The following KIRREL3 variants were observed in gnomAD, a reference collection of about 807,000 sequenced individuals.
The protein encoded by KIRREL3 is kin of IRRE-like protein 3.
Under a neutral mutation model 89.7 loss-of-function variants are expected in KIRREL3, and 36 were observed. That is an observed-to-expected ratio of 0.40 (90% confidence interval 0.31 to 0.53). The LOEUF (loss-of-function observed/expected upper bound fraction) is 0.53, where lower values mean the gene tolerates loss of function less well. Among genes scored for constraint, KIRREL3 ranks in the 20% least tolerant of loss-of-function variants. The pLI is 0.49. For missense variants in KIRREL3, 864 were observed against 1,056.6 expected, an observed-to-expected ratio of 0.82 and a Z score of 2.53; for synonymous variants, 445 against 441.4, an observed-to-expected ratio of 1.01 and a Z score of -0.10.
chr11:126,665,507 G>A (rs1176284578), intron 1 of KIRREL3, among the ~76,000 whole-genome samples: 1 of 152,162 alleles, frequency 6.6e-6, no homozygotes, highest in African/African-American at 2.4e-5. Flanking sequence ...ATTAGGGCAT[G>A]AGGGTGGAGC....
In KIRREL3 at chr11:126,640,139, AT is replaced by A. The variant is rs1944412723; in HGVS notation, c.56-77228del. On this transcript the variant is annotated intron_variant, in intron 1 of 16. Coordinates refer to ENST00000525144, the MANE Select transcript of KIRREL3 (RefSeq NM_032531.4). This position sits in a 1 kb window ranked among gnomAD's most constrained non-coding sequence, Gnocchi z 4.9. ...TTTTACCCTGCATTGTACTAAAAAA[AT>A]AAGGCATAGAAGCTCTATGATTTTC... 6.6e-6 allele frequency among the ~76,000 whole-genome samples: 1 copy of A among 152,182 alleles called. No individual in the cohort carries two copies. The highest frequency in any genetic ancestry group is 2.4e-5 in the African/African-American group (1 of 41,434).
At chr11:126,962,067 T>C (rs984582927) in intron 1 of KIRREL3, among the ~76,000 whole-genome samples, 3 of 152,226 alleles carry the variant, frequency 2.0e-5, no homozygotes, top group African/African-American at 7.2e-5. Context: ...AGGGCTGTGA[T>C]GGAGATATGC....
chr11:126,540,110 G>A (rs1591704289), intron 2 of KIRREL3, among the ~76,000 whole-genome samples: 2 of 152,236 alleles, frequency 1.3e-5, no homozygotes, highest in Middle Eastern at 6.8e-3. Flanking sequence ...ACCAGGCAGG[G>A]GTAGAAGACA....
chr11:126,476,766 G>A lies in KIRREL3; in HGVS notation c.434-3300C>T, dbSNP rs1251984991. On this transcript the variant is annotated intron_variant, in intron 4 of 16. Coordinates refer to ENST00000525144, the MANE Select transcript of KIRREL3 (RefSeq NM_032531.4). This position sits in a 1 kb window ranked among gnomAD's most constrained non-coding sequence, Gnocchi z 6.4. ...GGCAGCTGTGTCTGGCGTGGAAGGG[G>A]GCTCCTCATTACCTCCCCATTCAGA... is the stretch of plus-strand genomic sequence containing the variant. Among the ~76,000 whole-genome samples, 2 of 152,104 alleles carry A rather than the reference G, an allele frequency of 1.3e-5. No homozygotes were observed. The highest frequency in any genetic ancestry group is 2.9e-5 in the Non-Finnish European group (2 of 68,012).
At position 126,496,426 on chromosome 11, in the gene KIRREL3, G is replaced by A. The variant is rs976982649; in HGVS notation, c.434-22960C>T. Among the ~76,000 whole-genome samples, 2 of 152,132 alleles carry A rather than the reference G, an allele frequency of 1.3e-5. No homozygotes were observed. Among genetic ancestry groups the A allele is most frequent in the Non-Finnish European group, 2.9e-5 (2 of 68,032 alleles). ...AAGGGTACACAGCTGAAAAATGAAAGGGCCAGTCTTAGGGCCTAGGAATTC... is the reference window on the plus strand; with the variant it reads ...AAGGGTACACAGCTGAAAAATGAAAAGGCCAGTCTTAGGGCCTAGGAATTC... On this transcript the variant is annotated intron_variant, in intron 4 of 16. Coordinates refer to ENST00000525144, the MANE Select transcript of KIRREL3 (RefSeq NM_032531.4). The surrounding 1 kb of genome is among the most constrained non-coding windows in gnomAD (Gnocchi z 4.9).
chr11:126,518,586 C>A (rs920881307), intron 4 of KIRREL3, among the ~76,000 whole-genome samples: 1 of 152,366 alleles, frequency 6.6e-6, no homozygotes, highest in Admixed American at 6.5e-5. Context: ...ACAGGGAAGG[C>A]AGCCCCCCTT....
intron 10 of KIRREL3, among the ~76,000 whole-genome samples, chr11:126,442,699 T>C (rs1415007614): frequency 1.3e-5 from 2 of 152,170 alleles, no homozygotes; most frequent in Non-Finnish European, 2.9e-5. Context: ...GCGTCCCCCC[T>C]CCCTCTGCCT....
At position 126,708,059 on chromosome 11, in the gene KIRREL3, T is replaced by C. The variant is rs1947607371; in HGVS notation, c.56-145147A>G. On this transcript the variant is annotated intron_variant, in intron 1 of 16. Transcript: ENST00000525144. This position sits in a 1 kb window ranked among gnomAD's most constrained non-coding sequence, Gnocchi z 5.7. ...CCCTCCGCATCCCTGAAGCAGGTGA[T>C]GATCTCCATAGGTCCCAGGGTATCC... Among the ~76,000 whole-genome samples, 1 of 152,192 alleles carries C rather than the reference T, an allele frequency of 6.6e-6. No individual in the cohort carries two copies. The highest frequency in any genetic ancestry group is 1.5e-5 in the Non-Finnish European group (1 of 68,034).
rs750353947 is a variant in KIRREL3, at chr11:126,748,702, G to A, written c.56-185790C>T. Among the ~76,000 whole-genome samples, 1 of 152,122 alleles carries A rather than the reference G, an allele frequency of 6.6e-6. No individual in the cohort carries two copies. The highest frequency in any genetic ancestry group is 6.5e-5 in the Admixed American group (1 of 15,278). On this transcript the variant is annotated intron_variant, in intron 1 of 16. Transcript: ENST00000525144. The surrounding 1 kb of genome is among the most constrained non-coding windows in gnomAD (Gnocchi z 4.6). ...CTGGCAAGGGAAGCTGCGTTTCGTG[G>A]TAACAAATGAGGATTAAACCAGGCC...
chr11:126,709,794 G>A lies in KIRREL3; in HGVS notation c.56-146882C>T, dbSNP rs191682814. 8.3e-4 allele frequency among the ~76,000 whole-genome samples: 127 copies of A among 152,304 alleles called. No homozygotes were observed. The highest frequency in any genetic ancestry group is 7.7e-4 in the East Asian group (4 of 5,182). On this transcript the variant is annotated intron_variant, in intron 1 of 16. Transcript: ENST00000525144. The surrounding 1 kb of genome is among the most constrained non-coding windows in gnomAD (Gnocchi z 4.0). ...TTTCTGTTGTTTAAGCCACAAGATC[G>A]TGGTATTTTGTTACAGCAGCCCAGG... is the stretch of plus-strand genomic sequence containing the variant.
In KIRREL3 at chr11:126,455,631, AC is replaced by A. The variant is rs1312150906; in HGVS notation, c.848+717del. On this transcript the variant is annotated intron_variant, in intron 7 of 16. Coordinates refer to ENST00000525144, the MANE Select transcript of KIRREL3 (RefSeq NM_032531.4). The surrounding 1 kb of genome is among the most constrained non-coding windows in gnomAD (Gnocchi z 6.4). ...GTGAAACGCTGTCTCTACTAAAAAT[AC>A]AAAAAAAAAAAAAAATTAGCTGGCG... Among the ~76,000 whole-genome samples the A allele has an allele frequency of 1.4e-3, 136 of 97,242 alleles. No individual in the cohort carries two copies. Among genetic ancestry groups the A allele is most frequent in the Non-Finnish European group, 2.4e-3 (116 of 48,260 alleles). 63.8% of individuals were successfully genotyped at this position (97,242 alleles called of 152,430 possible).
At chr11:126,497,205 TGTGAGTGTGTGAGA>T (rs61073899) in intron 4 of KIRREL3, among the ~76,000 whole-genome samples, 46,156 of 99,524 alleles carry the variant, frequency 0.46, 7,550 homozygotes, top group Middle Eastern at 0.51. Context: ...TGTGTGTGAG[TGTGAGTGTGTGAGA>T]GTGAGTGTGT....
At chr11:126,871,963 C>T (rs1356758026) in intron 1 of KIRREL3, among the ~76,000 whole-genome samples, 1 of 152,206 alleles carries the variant, frequency 6.6e-6, no homozygotes, top group Admixed American at 6.5e-5. Flanking sequence ...GGATATCCTC[C>T]TGTTTCACCA....
chr11:126,502,226 T>C (rs1957886788), intron 4 of KIRREL3, among the ~76,000 whole-genome samples: 1 of 152,228 alleles, frequency 6.6e-6, no homozygotes, highest in South Asian at 2.1e-4. Context: ...GGGTCTCACC[T>C]TGGGCAGATC....
In KIRREL3 at chr11:126,424,667, A is replaced by C. The variant is rs1282669293; in HGVS notation, c.2250T>G (p.Ser750=). ...YVQFDKASKA[S]ASSSHHSQSS... Reference sequence around the variant, plus strand: ...ACTGGGAGTGGTGGGAGGAGGAAGCAGAAGCCTTGCTGGCCTTGTCGAACT... The same window carrying C: ...ACTGGGAGTGGTGGGAGGAGGAAGCCGAAGCCTTGCTGGCCTTGTCGAACT... Residue 750 remains serine, a synonymous_variant, in exon 17 of 17, where the codon TCT becomes TCG. Transcript: ENST00000525144. 1 of 1,613,946 alleles carries C rather than the reference A, an allele frequency of 6.2e-7. No homozygotes were observed. The highest frequency in any genetic ancestry group is 1.3e-5 in the African/African-American group (1 of 74,946).
rs548909215 is a variant in KIRREL3, at chr11:126,969,034, A to G, written c.55+31421T>C. 1.3e-5 allele frequency among the ~76,000 whole-genome samples: 2 copies of G among 152,234 alleles called. No homozygotes were observed. The highest frequency in any genetic ancestry group is 4.1e-4 in the South Asian group (2 of 4,820). The stretch of plus-strand genomic sequence containing the variant: ...ACGGGAAAACCCTGCCTCTCCTTGC[A>G]TAGATGTCAGAAGTAACACTTCAGG... On this transcript the variant is annotated intron_variant, in intron 1 of 16. Transcript: ENST00000525144. This position sits in a 1 kb window ranked among gnomAD's most constrained non-coding sequence, Gnocchi z 4.9.
intron 1 of KIRREL3, among the ~76,000 whole-genome samples, chr11:126,852,171 A>C (rs931990383): frequency 6.7e-6 from 1 of 149,138 alleles, no homozygotes; most frequent in African/African-American, 2.5e-5. Flanking sequence ...CTCCTGCCTC[A>C]GCCTCCCAAG....
rs978214729 is a variant in KIRREL3, at chr11:126,918,529, G to A, written c.55+81926C>T. ...TTTAATTAACTAGCTGAATTATTAC[G>A]TTTTTGCATAAACATTCTTCACCAT... On this transcript the variant is annotated intron_variant, in intron 1 of 16. Coordinates refer to ENST00000525144, the MANE Select transcript of KIRREL3 (RefSeq NM_032531.4). The surrounding 1 kb of genome is among the most constrained non-coding windows in gnomAD (Gnocchi z 6.5). 9.9e-5 allele frequency among the ~76,000 whole-genome samples: 15 copies of A among 152,280 alleles called. No individual in the cohort carries two copies. The highest frequency in any genetic ancestry group is 3.9e-4 in the East Asian group (2 of 5,186).
Position 126,554,622 on chromosome 11 carries a change from T to C in KIRREL3, c.133+8213A>G, listed in dbSNP as rs57077999. ...CTGTCCTCACTTTGCTGACAACATC[T>C]ATGCAAACACTGTGTTGGGCTCCTG... On this transcript the variant is annotated intron_variant, in intron 2 of 16. Transcript: ENST00000525144. 7.7e-3 allele frequency among the ~76,000 whole-genome samples: 1,166 copies of C among 152,298 alleles called. 21 individuals carry two copies. Among genetic ancestry groups the C allele is most frequent in the African/African-American group, 0.027 (1,102 of 41,572 alleles).
Sources: allele counts gnomAD v4.1 joint callset (sites outside exome capture counted in the v4.1 genomes callset), GRCh38; gene constraint gnomAD v4.1.1; non-coding constraint Gnocchi (gnomAD v3.1); transcripts MANE v1.5; gene names NCBI Gene and HGNC (gene_info 2026-07-23, HGNC 2026-07-21).